Variants in PGBD5 observed in about 807,000 individuals in gnomAD.
PGBD5 encodes the protein piggyBac transposable element-derived protein 5.
A neutral mutation model predicts 47.9 loss-of-function variants in PGBD5; 14 were observed. The observed-to-expected ratio is 0.29, with a 90% CI of 0.19 to 0.46. The LOEUF is 0.46. Ranked by LOEUF, PGBD5 falls within the 20% of genes least tolerant of loss-of-function variation. PGBD5 has a pLI of 1.00. For synonymous variants in PGBD5, 316 were observed against 306.3 expected, an observed-to-expected ratio of 1.03 and a Z score of -0.33; for missense variants, 635 against 716.0, an observed-to-expected ratio of 0.89 and a Z score of 1.29.
At chr1:230,371,025 T>G (rs1187484148) in intron 1 of PGBD5, among the ~76,000 whole-genome samples, 1 of 152,090 alleles carries the variant, frequency 6.6e-6, no homozygotes, top group Non-Finnish European at 1.5e-5. Flanking sequence ...TCATAGACCC[T>G]CTCCAGAGGG....
intron 1 of PGBD5, among the ~76,000 whole-genome samples, chr1:230,408,952 A>G (rs1450150330): frequency 6.6e-6 from 1 of 152,216 alleles, no homozygotes; most frequent in East Asian, 1.9e-4. Context: ...TGGAAGTCAT[A>G]TATCTGATAA....
Position 230,325,483 on chromosome 1 carries a change from C to G in PGBD5, c.1274-68G>C, listed in dbSNP as rs75081927. On this transcript the variant is annotated intron_variant, in intron 5 of 6. Coordinates refer to ENST00000391860, the MANE Select transcript of PGBD5 (RefSeq NM_001258311.2). ...TCCTAATGCCACTTTATAAATGTGC[C>G]TATCTTCGTCCAGCTTAGCTGCTCC... The G allele has an allele frequency of 3.5e-3, 3,923 of 1,127,848 alleles. 79 individuals are homozygous for G. In the East Asian group the frequency reaches 0.056, roughly 16 times the overall value. 69.9% of individuals were successfully genotyped at this position (1,127,848 alleles called of 1,614,324 possible). A position where few individuals can be genotyped will look rare whatever the true frequency, so the allele number is the denominator to read the frequency against.
chr1:230,345,095 T>C (rs1667456858), intron 3 of PGBD5, among the ~76,000 whole-genome samples: 1 of 152,222 alleles, frequency 6.6e-6, no homozygotes, highest in Admixed American at 6.5e-5. Flanking sequence ...TTTTAGACTA[T>C]ACCATTCAAA....
At chr1:230,372,921 A>T (rs2820371) in intron 1 of PGBD5, among the ~76,000 whole-genome samples, 2 of 151,524 alleles carry the variant, frequency 1.3e-5, no homozygotes, top group South Asian at 4.2e-4. Flanking sequence ...CCCTCTCTAC[A>T]TATCACCTCC....
chr1:230,377,684 C>G, intron 1 of PGBD5: 3 of 1,445,696 alleles, frequency 2.1e-6, no homozygotes, highest in Non-Finnish European at 2.7e-6. Context: ...TTCATTTCCC[C>G]ATCTGTAAAA....
intron 1 of PGBD5, among the ~76,000 whole-genome samples, chr1:230,421,444 T>G (rs1558217436): frequency 6.6e-6 from 1 of 152,220 alleles, no homozygotes; most frequent in Non-Finnish European, 1.5e-5. Context: ...TGGTGATCAC[T>G]TAATCTGGTA....
At chr1:230,389,349 T>G (rs1018263458) in intron 1 of PGBD5, among the ~76,000 whole-genome samples, 1 of 152,084 alleles carries the variant, frequency 6.6e-6, no homozygotes, top group South Asian at 2.1e-4. Context: ...AGTTTTGTAT[T>G]TTTGGTAGAG....
intron 1 of PGBD5, among the ~76,000 whole-genome samples, chr1:230,368,792 C>CGT (rs10638879): frequency 0.4 from 55,590 of 138,310 alleles, 10,518 homozygotes; most frequent in Non-Finnish European, 0.44. Context: ...GCCGGGGAAA[C>CGT]GTGTGTGTAT....
intron 1 of PGBD5, among the ~76,000 whole-genome samples, chr1:230,363,595 G>T (rs1027075546): frequency 7.3e-5 from 11 of 151,054 alleles, no homozygotes; most frequent in Non-Finnish European, 1.6e-4. Flanking sequence ...AAAAAAAAAA[G>T]TGGCTTTATG....
intron 5 of PGBD5, among the ~76,000 whole-genome samples, chr1:230,329,122 T>C (rs2353549): frequency 4.6e-5 from 7 of 150,566 alleles, no homozygotes; most frequent in Admixed American, 1.3e-4. Context: ...AATTTTTTTT[T>C]GGGGGGGGAG....
intron 3 of PGBD5, among the ~76,000 whole-genome samples, chr1:230,350,307 C>T (rs1667541418): frequency 6.6e-6 from 1 of 152,208 alleles, no homozygotes; most frequent in Admixed American, 6.5e-5. Flanking sequence ...CCTACTGCTC[C>T]TGGCAGCTCA....
chr1:230,321,604 T>G lies in PGBD5; in HGVS notation c.*1821A>C, dbSNP rs1472256639. On this transcript the variant is annotated 3_prime_UTR_variant, in exon 7 of 7. Coordinates refer to ENST00000391860, the MANE Select transcript of PGBD5 (RefSeq NM_001258311.2). ...CAGGCATGAGCCACCGCACCCCGCC[T>G]GTTCCCTGACCTTTTAAACGAATTC... is the stretch of plus-strand genomic sequence containing the variant. The G allele has an allele frequency of 1.3e-5, 2 of 152,324 alleles. No homozygotes were observed. Among genetic ancestry groups the G allele is most frequent in the Non-Finnish European group, 2.9e-5 (2 of 68,052 alleles). The allele number at this position is 152,324 out of a possible 1,614,324, so 9.4% of individuals were successfully genotyped here.
chr1:230,362,351 C>A (rs758296292), intron 1 of PGBD5: 1 of 1,367,264 alleles, frequency 7.3e-7, no homozygotes, highest in East Asian at 4.6e-5. Context: ...GGCGTCGACT[C>A]CATCCACAGC....
chr1:230,330,412 G>T (rs1667195231), intron 5 of PGBD5, among the ~76,000 whole-genome samples: 2 of 152,208 alleles, frequency 1.3e-5, no homozygotes, highest in South Asian at 4.1e-4. Flanking sequence ...TATGTATGAA[G>T]ACATCACTGT....
At position 230,334,068 on chromosome 1, in the gene PGBD5, T is replaced by C. The variant is rs73119532; in HGVS notation, c.1076-1027A>G. On this transcript the variant is annotated intron_variant, in intron 4 of 6. Coordinates refer to ENST00000391860, the MANE Select transcript of PGBD5 (RefSeq NM_001258311.2). ...CCATCGGTCACCTGAACACATCCCA[T>C]ATCCCATGCATCTGCTTTCCTCATC... is the stretch of plus-strand genomic sequence containing the variant. Among the ~76,000 whole-genome samples the C allele has an allele frequency of 4.7e-3, 718 of 152,284 alleles. 11 individuals are homozygous for C. The highest frequency in any genetic ancestry group is 0.016 in the African/African-American group (675 of 41,562).
rs1667067083 is a variant in PGBD5 at position 230,323,394 on chromosome 1, C to G, written c.*31G>C. The G allele has an allele frequency of 1.9e-6, 3 of 1,596,646 alleles. No individual in the cohort carries two copies. The highest frequency in any genetic ancestry group is 1.3e-5 in the African/African-American group (1 of 74,478). ...GGCAGGCTCTCCTCCTCCTCTTGCC[C>G]CTCCCTTGACCGAGTCCTGCGCCCC... On this transcript the variant is annotated 3_prime_UTR_variant, in exon 7 of 7. Coordinates refer to ENST00000391860, the MANE Select transcript of PGBD5 (RefSeq NM_001258311.2). The surrounding 1 kb of genome is among the most constrained non-coding windows in gnomAD (Gnocchi z 4.1).
intron 1 of PGBD5, among the ~76,000 whole-genome samples, chr1:230,421,271 C>T (rs749387839): frequency 5.9e-5 from 9 of 152,326 alleles, no homozygotes; most frequent in Non-Finnish European, 8.8e-5. Context: ...GTATCGATTA[C>T]ACAAATCATG....
At chr1:230,361,294 A>C (rs767488285) in intron 1 of PGBD5, among the ~76,000 whole-genome samples, 4 of 152,232 alleles carry the variant, frequency 2.6e-5, no homozygotes, top group South Asian at 2.1e-4. Flanking sequence ...AAAATTAAAA[A>C]GCAAAGGCAG....
chr1:230,392,818 T>A (rs1216681314), intron 1 of PGBD5, among the ~76,000 whole-genome samples: 1 of 151,930 alleles, frequency 6.6e-6, no homozygotes, highest in Non-Finnish European at 1.5e-5. Flanking sequence ...GCTAGAAAAG[T>A]TCAGCCCAGC....
Sources: allele counts gnomAD v4.1 joint callset (sites outside exome capture counted in the v4.1 genomes callset), GRCh38; gene constraint gnomAD v4.1.1; non-coding constraint Gnocchi (gnomAD v3.1); transcripts MANE v1.5; gene names NCBI Gene and HGNC (gene_info 2026-07-23, HGNC 2026-07-21).